The following MEP1A variants were observed in gnomAD, a reference collection of about 807,000 sequenced individuals.
MEP1A encodes N-benzoyl-L-tyrosyl-P-amino-benzoic acid hydrolase subunit alpha.
A neutral mutation model predicts 84.5 loss-of-function variants in MEP1A; 68 were observed. The observed-to-expected ratio is 0.80, with a 90% CI of 0.66 to 0.98. The LOEUF (loss-of-function observed/expected upper bound fraction) is 0.98, where lower values mean the gene tolerates loss of function less well. MEP1A is among the 50% of genes least tolerant of loss of function. MEP1A has a pLI of 0.00. For missense variants in MEP1A, 887 were observed against 919.9 expected, an observed-to-expected ratio of 0.96 and a Z score of 0.46; for synonymous variants, 337 against 336.8, an observed-to-expected ratio of 1.00 and a Z score of -0.01.
chr6:46,797,816 TTCTTTCTTTCTTTCTTTCTTTCTC>T (rs1230440026), intron 3 of MEP1A, among the ~76,000 whole-genome samples: 2 of 144,952 alleles, frequency 1.4e-5, no homozygotes, highest in African/African-American at 2.6e-5. Flanking sequence ...CTTTCTTTCT[TTCTTTCTTTCTTTCTTTCTTTCTC>T]TCTCTCTTTC....
Position 46,822,215 on chromosome 6 carries a change from A to G in MEP1A, c.556+2511A>G, listed in dbSNP as rs528818498. On this transcript the variant is annotated intron_variant, in intron 7 of 13. Transcript: ENST00000230588. Reference sequence around the variant, plus strand: ...ATAACCATTTGTTTAAGTATTGTATATGGCTGTTTTCGTGCTACAATGGCA... The same window carrying G: ...ATAACCATTTGTTTAAGTATTGTATGTGGCTGTTTTCGTGCTACAATGGCA... 2.6e-5 allele frequency among the ~76,000 whole-genome samples: 4 copies of G among 152,326 alleles called. No individual in the cohort carries two copies. The South Asian group carries it at 8.3e-4, about 32-fold the overall frequency.
intron 5 of MEP1A, among the ~76,000 whole-genome samples, chr6:46,804,013 A>G (rs919623343): frequency 1.3e-5 from 2 of 151,660 alleles, no homozygotes; most frequent in African/African-American, 2.4e-5. Flanking sequence ...GTCTCGCACT[A>G]TAGTGTTAGA....
chr6:46,813,434 T>A (rs937454457), intron 6 of MEP1A, among the ~76,000 whole-genome samples: 1 of 152,104 alleles, frequency 6.6e-6, no homozygotes, highest in Non-Finnish European at 1.5e-5. Context: ...ACATCAAAAG[T>A]CTGAAAGAGT....
At chr6:46,808,834 C>T (rs1333679854) in intron 5 of MEP1A, among the ~76,000 whole-genome samples, 1 of 152,036 alleles carries the variant, frequency 6.6e-6, no homozygotes, top group Non-Finnish European at 1.5e-5. Context: ...TGCCATCTCC[C>T]AGGCATCTGG....
intron 7 of MEP1A, among the ~76,000 whole-genome samples, chr6:46,820,482 C>T (rs1010249617): frequency 6.6e-6 from 1 of 152,200 alleles, no homozygotes; most frequent in Non-Finnish European, 1.5e-5. Flanking sequence ...CCTCTGCCTC[C>T]TGAGTTCAAG....
intron 5 of MEP1A, among the ~76,000 whole-genome samples, chr6:46,804,002 A>T (rs1372385151): frequency 6.6e-6 from 1 of 151,686 alleles, no homozygotes; most frequent in East Asian, 1.9e-4. Context: ...ATGCTTCATA[A>T]GTCTCGCACT....
intron 5 of MEP1A, among the ~76,000 whole-genome samples, chr6:46,807,783 G>GAAAGAAAA (rs1382014500): frequency 1.2e-4 from 11 of 88,166 alleles, no homozygotes; most frequent in African/African-American, 4.0e-4. Flanking sequence ...AAGAAAGAAA[G>GAAAGAAAA]AAAGAAAGAA....
chr6:46,807,903 C>T (rs1409982727), intron 5 of MEP1A, among the ~76,000 whole-genome samples: 1 of 151,974 alleles, frequency 6.6e-6, no homozygotes, highest in Non-Finnish European at 1.5e-5. Context: ...CTCAGGGTTG[C>T]CTTCATGGAG....
intron 3 of MEP1A, among the ~76,000 whole-genome samples, chr6:46,797,931 T>TTTCC (rs70996387): frequency 1.8e-4 from 9 of 49,618 alleles, no homozygotes; most frequent in African/African-American, 2.5e-4. Flanking sequence ...TCCTTCCTTC[T>TTTCC]TTCCTTCCTT....
At chr6:46,798,382 A>C (rs1341396652) in intron 3 of MEP1A, among the ~76,000 whole-genome samples, 1 of 152,178 alleles carries the variant, frequency 6.6e-6, no homozygotes, top group Admixed American at 6.5e-5. Context: ...TTCTTAGACA[A>C]GATTTCTTGT....
At chr6:46,804,324 A>G (rs182668901) in intron 5 of MEP1A, among the ~76,000 whole-genome samples, 19 of 151,912 alleles carry the variant, frequency 1.3e-4, no homozygotes, top group Admixed American at 1.2e-3. Context: ...TTATTATTTT[A>G]ACATTTTTAA....
At chr6:46,825,567 T>C (rs1767922758) in intron 8 of MEP1A, 74 bp downstream of exon 8, 3 of 1,041,818 alleles carry the variant, frequency 2.9e-6, no homozygotes, top group Non-Finnish European at 4.2e-6. Context: ...AGATTTCCTT[T>C]ACATTTTCCT....
rs555482919 is a variant in MEP1A, at chr6:46,833,553, C to T, written c.1609+15C>T. 42 of 1,599,944 alleles carry T rather than the reference C, an allele frequency of 2.6e-5. No individual in the cohort carries two copies. Among genetic ancestry groups the T allele is most frequent in the African/African-American group, 2.0e-4 (15 of 74,718 alleles). ...CACATCTCCAGGTGGGTGGTGTCAG[C>T]GCAAATAAGAACTGCCCCTTGAACC... On this transcript the variant is annotated intron_variant, in intron 11 of 13. Coordinates refer to ENST00000230588, the MANE Select transcript of MEP1A (RefSeq NM_005588.3).
At chr6:46,827,998 A>G (rs1767985256) in intron 9 of MEP1A, among the ~76,000 whole-genome samples, 1 of 152,238 alleles carries the variant, frequency 6.6e-6, no homozygotes, top group Non-Finnish European at 1.5e-5. Context: ...TCCCTCTGCT[A>G]GAGAGCTCTT....
At chr6:46,803,708 A>G (rs1161233694) in intron 5 of MEP1A, among the ~76,000 whole-genome samples, 1 of 149,470 alleles carries the variant, frequency 6.7e-6, no homozygotes, top group Admixed American at 6.7e-5. Context: ...TTCTAATGTA[A>G]TATATTCTAC....
chr6:46,832,964 A>C, intron 10 of MEP1A, 110 bp from the exon 11 acceptor site: 1 of 637,438 alleles, frequency 1.6e-6, no homozygotes, highest in Non-Finnish European at 2.7e-6. Flanking sequence ...GGCTGTTGTG[A>C]GGATTTAATG....
chr6:46,804,775 A>G (rs1301576889), intron 5 of MEP1A, among the ~76,000 whole-genome samples: 3 of 151,798 alleles, frequency 2.0e-5, no homozygotes, highest in Admixed American at 1.3e-4. Context: ...CTAACTTCCT[A>G]TGAAGAGATG....
chr6:46,802,855 T>G (rs1220255135), intron 5 of MEP1A, among the ~76,000 whole-genome samples: 1 of 151,904 alleles, frequency 6.6e-6, no homozygotes, highest in Non-Finnish European at 1.5e-5. Flanking sequence ...CAACTTTGCA[T>G]TTCTCAGATG....
chr6:46,820,423 T>C (rs764540746), intron 7 of MEP1A, among the ~76,000 whole-genome samples: 1 of 152,204 alleles, frequency 6.6e-6, no homozygotes, highest in Non-Finnish European at 1.5e-5. Flanking sequence ...AGAGTTTTGC[T>C]CTTGTGGCCC....
Sources: gnomAD v4.1 joint callset for allele counts (sites outside exome capture counted in the v4.1 genomes callset) on GRCh38, gnomAD v4.1.1 for gene constraint, MANE v1.5 for transcripts, NCBI Gene and HGNC (gene_info 2026-07-23, HGNC 2026-07-21) for gene names.